The following CRPPA variants were observed in gnomAD, a reference collection of about 807,000 sequenced individuals.
CRPPA encodes D-ribitol-5-phosphate cytidylyltransferase.
In CRPPA, 43 loss-of-function variants were observed where a neutral mutation model predicts 52.0. That is an observed-to-expected ratio of 0.83 (90% CI 0.65 to 1.07). The LOEUF is 1.07. CRPPA is among the 50% of genes least tolerant of loss of function. CRPPA has a pLI of 0.00. For synonymous variants in CRPPA, 250 were observed against 203.5 expected (o/e 1.23, Z -1.94); for missense variants, 629 against 551.7 (o/e 1.14, Z -1.40).
intron 2 of CRPPA, among the ~76,000 whole-genome samples, chr7:16,403,501 T>C (rs756296475): frequency 1.3e-5 from 2 of 151,406 alleles, no homozygotes; most frequent in African/African-American, 2.4e-5. Flanking sequence ...GTTCAGAAAA[T>C]GTGTGTGAAG....
At chr7:16,292,917 A>G (rs1339507416) in intron 5 of CRPPA, among the ~76,000 whole-genome samples, 1 of 151,920 alleles carries the variant, frequency 6.6e-6, no homozygotes, top group Non-Finnish European at 1.5e-5. Context: ...ACTGTCCTCT[A>G]TAGACAGAAA....
At chr7:16,335,007 G>A (rs1369866055) in intron 3 of CRPPA, among the ~76,000 whole-genome samples, 1 of 151,862 alleles carries the variant, frequency 6.6e-6, no homozygotes, top group African/African-American at 2.4e-5. Flanking sequence ...GACTCAAAAA[G>A]AACTCAGAAT....
intron 6 of CRPPA, among the ~76,000 whole-genome samples, chr7:16,273,999 A>G (rs1784150852): frequency 6.6e-6 from 1 of 152,164 alleles, no homozygotes. Context: ...CCATTTCAGT[A>G]CTACTCCTGA....
At chr7:16,107,545 G>T (rs1562507490) in intron 9 of CRPPA, among the ~76,000 whole-genome samples, 1 of 151,942 alleles carries the variant, frequency 6.6e-6, no homozygotes, top group Non-Finnish European at 1.5e-5. Flanking sequence ...AAATGAAGGA[G>T]AAATAAGAAG....
chr7:16,128,283 A>G (rs1490823809), intron 9 of CRPPA, among the ~76,000 whole-genome samples: 4 of 152,204 alleles, frequency 2.6e-5, no homozygotes, highest in Non-Finnish European at 5.9e-5. Context: ...CTTGAAAATT[A>G]AAATTTAAAA....
At chr7:16,303,974 A>T (rs1221119023) in intron 4 of CRPPA, among the ~76,000 whole-genome samples, 1 of 152,232 alleles carries the variant, frequency 6.6e-6, no homozygotes, top group Non-Finnish European at 1.5e-5. Flanking sequence ...TTTCTTCAGT[A>T]ACTGGTTATC....
chr7:16,257,244 A>T (rs913052153), intron 8 of CRPPA, among the ~76,000 whole-genome samples: 1 of 152,156 alleles, frequency 6.6e-6, no homozygotes, highest in African/African-American at 2.4e-5. Context: ...GGACGGCCTC[A>T]TCACCATATC....
At chr7:16,201,554 T>C (rs1329707868) in intron 9 of CRPPA, among the ~76,000 whole-genome samples, 1 of 152,196 alleles carries the variant, frequency 6.6e-6, no homozygotes, top group African/African-American at 2.4e-5. Flanking sequence ...CGAGAGCTTT[T>C]CTTTCACTCA....
chr7:16,195,075 T>C lies in CRPPA; in HGVS notation c.1251+20991A>G, dbSNP rs73291411. On this transcript the variant is annotated intron_variant, in intron 9 of 9. Transcript: ENST00000407010. ...AGCATGAAAAACTCTGTTTACAATG[T>C]TCTTTTTATAATATACAATTCAGAG... Among the ~76,000 whole-genome samples, 421 of 152,098 alleles carry C rather than the reference T, an allele frequency of 2.8e-3. 2 individuals are homozygous for C. Among genetic ancestry groups the C allele is most frequent in the African/African-American group, 9.9e-3 (410 of 41,514 alleles).
chr7:16,368,043 T>C (rs1786655543), intron 3 of CRPPA, among the ~76,000 whole-genome samples: 1 of 152,180 alleles, frequency 6.6e-6, no homozygotes. Context: ...AAACCTTGTG[T>C]TAGAATCAAG....
intron 9 of CRPPA, among the ~76,000 whole-genome samples, chr7:16,143,605 A>G (rs1047456515): frequency 6.6e-6 from 1 of 152,200 alleles, no homozygotes; most frequent in Non-Finnish European, 1.5e-5. Flanking sequence ...GCTCTCTGAC[A>G]GGGGAATGAT....
At chr7:16,146,221 C>T (rs1782972450) in intron 9 of CRPPA, among the ~76,000 whole-genome samples, 1 of 150,638 alleles carries the variant, frequency 6.6e-6, no homozygotes, top group Non-Finnish European at 1.5e-5. Flanking sequence ...AAAAAAAAAC[C>T]TACCAACCAA....
At chr7:16,409,157 C>A (rs955887655) in intron 1 of CRPPA, among the ~76,000 whole-genome samples, 3 of 152,204 alleles carry the variant, frequency 2.0e-5, no homozygotes, top group African/African-American at 7.2e-5. Flanking sequence ...CCACCTCAAC[C>A]TCCCAAAGTG....
intron 9 of CRPPA, among the ~76,000 whole-genome samples, chr7:16,213,685 G>A (rs986012347): frequency 2.0e-5 from 3 of 151,208 alleles, no homozygotes; most frequent in Admixed American, 2.0e-4. Flanking sequence ...GGAGGTGGAG[G>A]TTGCAATGAG....
At chr7:16,201,544 C>G (rs1032209556) in intron 9 of CRPPA, among the ~76,000 whole-genome samples, 1 of 152,170 alleles carries the variant, frequency 6.6e-6, no homozygotes, top group South Asian at 2.1e-4. Flanking sequence ...CTCTTGCTGT[C>G]GAGAGCTTTT....
At chr7:16,098,737 T>G (rs1322328328) in intron 9 of CRPPA, among the ~76,000 whole-genome samples, 1 of 152,178 alleles carries the variant, frequency 6.6e-6, no homozygotes, top group African/African-American at 2.4e-5. Flanking sequence ...TGTAAACATT[T>G]TGCTGATATG....
intron 3 of CRPPA, among the ~76,000 whole-genome samples, chr7:16,355,700 C>T (rs1448250125): frequency 6.6e-6 from 1 of 152,200 alleles, no homozygotes; most frequent in Non-Finnish European, 1.5e-5. Context: ...CCATGTTGGA[C>T]TCCCAACATC....
intron 5 of CRPPA, among the ~76,000 whole-genome samples, chr7:16,286,087 T>TTAAAA (rs1313294075): frequency 1.3e-4 from 2 of 15,516 alleles, no homozygotes; most frequent in Non-Finnish European, 2.2e-4. Context: ...ATATAATATT[T>TTAAAA]AAAAAAAAAA....
At chr7:16,345,617 A>T (rs1438373650) in intron 3 of CRPPA, among the ~76,000 whole-genome samples, 1 of 152,154 alleles carries the variant, frequency 6.6e-6, no homozygotes, top group Non-Finnish European at 1.5e-5. Flanking sequence ...GCTGAATCTT[A>T]TATTGTTTAA....
Sources: gnomAD v4.1 joint callset for allele counts (sites outside exome capture counted in the v4.1 genomes callset) on GRCh38, gnomAD v4.1.1 for gene constraint, MANE v1.5 for transcripts, NCBI Gene and HGNC (gene_info 2026-07-23, HGNC 2026-07-21) for gene names.